IPO5: variants seen among roughly 807,000 people sequenced by gnomAD.
IPO5 encodes importin-5.
A neutral mutation model predicts 143.3 loss-of-function variants in IPO5; 18 were observed. The observed-to-expected ratio is 0.13, with a 90% confidence interval of 0.09 to 0.19. IPO5 has a LOEUF of 0.19. Among genes scored for constraint, IPO5 ranks in the 10% least tolerant of loss-of-function variants. IPO5 has a pLI of 1.00. For synonymous variants in IPO5, 477 were observed against 465.7 expected (o/e 1.02, Z -0.31); for missense variants, 1,013 against 1,336.9 (o/e 0.76, Z 3.78).
rs772586977 is a variant in IPO5 at position 97,985,452 on chromosome 13, G to A, written c.203G>A (p.Arg68His). The A allele has an allele frequency of 5.6e-6, 9 of 1,614,092 alleles. No individual in the cohort carries two copies. The highest frequency in any genetic ancestry group is 1.1e-5 in the South Asian group (1 of 91,078). ...ARQMAAVLLR[R>H]LLSSAFDEVY... ...CAAATGGCCGCCGTTCTCCTAAGAC[G>A]TCTCTTGTCCTCTGCATTTGATGAA... Residue 68 changes from arginine to histidine, a missense_variant, in exon 6 of 29, where the codon CGT becomes CAT. By Grantham distance (29) the Arg-to-His change is conservative (BLOSUM62 0). Transcript: ENST00000651721.
intron 2 of IPO5, among the ~76,000 whole-genome samples, chr13:97,969,153 GTATATATA>G (rs1210544640): frequency 1.6e-5 from 1 of 63,464 alleles, no homozygotes; most frequent in South Asian, 7.2e-4. Flanking sequence ...TTTCTGCTAA[GTATATATA>G]TATATATATA....
At position 98,000,445 on chromosome 13, in the gene IPO5, T is replaced by G. The variant is rs1403124513; in HGVS notation, c.1002-94T>G. ...GCTTGAATTCTTTCTCAGTCTTAGT[T>G]TAATAATAATATGGTTAGAAGTATG... On this transcript the variant is annotated intron_variant, in intron 12 of 28. Coordinates refer to ENST00000651721, the MANE Select transcript of IPO5 (RefSeq NM_002271.6). 4 of 813,530 alleles carry G rather than the reference T, an allele frequency of 4.9e-6. No homozygotes were observed. The African/African-American group carries it at 6.7e-5, about 14-fold the overall frequency. The allele number at this position is 813,530 out of a possible 1,614,324, so 50.4% of individuals were successfully genotyped here. A position where few individuals can be genotyped will look rare whatever the true frequency, so the allele number is the denominator to read the frequency against.
chr13:97,959,815 C>G (rs1186620560), intron 2 of IPO5, among the ~76,000 whole-genome samples: 1 of 152,046 alleles, frequency 6.6e-6, no homozygotes, highest in African/African-American at 2.4e-5. Flanking sequence ...TCTTTTTTCA[C>G]CTATAACTGT....
At chr13:97,976,345 C>T (rs1209173068) in intron 3 of IPO5, 1 of 152,074 alleles carries the variant, frequency 6.6e-6, no homozygotes. Context: ...AAGCCGCCAG[C>T]CTACCCAACC....
At chr13:97,996,862 G>A (rs1299183978) in intron 11 of IPO5, among the ~76,000 whole-genome samples, 1 of 152,142 alleles carries the variant, frequency 6.6e-6, no homozygotes, top group African/African-American at 2.4e-5. Context: ...AAAGTGCTGG[G>A]ATTACAGGCA....
intron 6 of IPO5, among the ~76,000 whole-genome samples, chr13:97,986,362 T>C (rs181734880): frequency 6.8e-6 from 1 of 147,890 alleles, no homozygotes; most frequent in Non-Finnish European, 1.5e-5. Flanking sequence ...ATATATATAT[T>C]TTTTTTTTTT....
At chr13:97,975,955 G>A (rs1807214842) in intron 3 of IPO5, 2 of 985,814 alleles carry the variant, frequency 2.0e-6, no homozygotes, top group Non-Finnish European at 2.4e-6. Flanking sequence ...ACAGCCCTGG[G>A]GGAGGTCGGA....
chr13:97,980,843 A>AAG lies in IPO5; in HGVS notation c.91-1659_91-1658dup, dbSNP rs1440820980. ...CTCTATCTCAAAAAAAAAAAAAAAAAAGTTTTTGCAAAAACTTGATTTAGA... is the reference window on the plus strand; with the variant it reads ...CTCTATCTCAAAAAAAAAAAAAAAAAAGAGTTTTTGCAAAAACTTGATTTAGA... On this transcript the variant is annotated intron_variant, in intron 4 of 28. Transcript: ENST00000651721. Among the ~76,000 whole-genome samples the AAG allele has an allele frequency of 3.3e-5, 5 of 151,850 alleles. No individual in the cohort carries two copies. In the South Asian group the frequency reaches 1.0e-3, roughly 32 times the overall value.
rs550521676 is a variant in IPO5 at position 97,980,293 on chromosome 13, C to T, written c.91-2210C>T. Among the ~76,000 whole-genome samples, 4 of 152,202 alleles carry T rather than the reference C, an allele frequency of 2.6e-5. No individual in the cohort carries two copies. The South Asian group carries it at 6.2e-4, about 24-fold the overall frequency. On this transcript the variant is annotated intron_variant, in intron 4 of 28. Coordinates refer to ENST00000651721, the MANE Select transcript of IPO5 (RefSeq NM_002271.6). ...TGATGTAATACTATATTTGGATTAC[C>T]ACAGTGGAACATATCACATGGAGAG... is the stretch of plus-strand genomic sequence containing the variant.
chr13:97,974,309 CTTTTT>C (rs200747505), intron 3 of IPO5, among the ~76,000 whole-genome samples: 1 of 139,086 alleles, frequency 7.2e-6, no homozygotes, highest in Non-Finnish European at 1.6e-5. Context: ...GTCTGAAATT[CTTTTT>C]TTTTTTTTTT....
intron 24 of IPO5, among the ~76,000 whole-genome samples, 181 bp downstream of exon 24, chr13:98,015,962 T>A (rs945459396): frequency 6.6e-6 from 1 of 152,236 alleles, no homozygotes; most frequent in African/African-American, 2.4e-5. Flanking sequence ...AACTGATATG[T>A]CTTTCGGTGC....
rs1341251100 is a variant in IPO5 at position 97,982,500 on chromosome 13, C to T, written c.91-3C>T. The T allele has an allele frequency of 1.9e-6, 3 of 1,595,790 alleles. No individual in the cohort carries two copies. The highest frequency in any genetic ancestry group is 1.4e-5 in the African/African-American group (1 of 73,770). On this transcript the variant is annotated splice_region_variant and splice_polypyrimidine_tract_variant and intron_variant, in intron 4 of 28. Transcript: ENST00000651721. ...TCCTAACCATTTTTTTTTTTCCATG[C>T]AGGAAACCTATGAGAATATCCCAGG...
At chr13:97,973,344 T>C (rs927241610) in intron 3 of IPO5, among the ~76,000 whole-genome samples, 2 of 152,136 alleles carry the variant, frequency 1.3e-5, no homozygotes, top group East Asian at 3.9e-4. Context: ...ACCCAGCCCC[T>C]GAGTTATTTT....
rs182994654 is a variant in IPO5 at position 97,982,483 on chromosome 13, A to AT, written c.91-9dup. 18,568 of 1,176,594 alleles carry AT rather than the reference A, an allele frequency of 0.016. 20 individuals carry two copies. Among genetic ancestry groups the AT allele is most frequent in the African/African-American group, 0.026 (1,681 of 63,824 alleles). 72.9% of individuals were successfully genotyped at this position (1,176,594 alleles called of 1,614,324 possible). ...AGTTTCCTAACATTCTTTCCTAACC[A>AT]TTTTTTTTTTTCCATGCAGGAAACC... On this transcript the variant is annotated intron_variant, in intron 4 of 28. Transcript: ENST00000651721.
chr13:98,010,264 C>T, intron 20 of IPO5, 40 bp downstream of exon 20: 1 of 1,577,306 alleles, frequency 6.3e-7, no homozygotes, highest in South Asian at 1.1e-5. Context: ...TATTTTACAT[C>T]TTATATACAT....
In IPO5 at chr13:98,021,881, TA is replaced by T; in HGVS notation, c.*60del. On this transcript the variant is annotated 3_prime_UTR_variant, in exon 29 of 29. Coordinates refer to ENST00000651721, the MANE Select transcript of IPO5 (RefSeq NM_002271.6). The stretch of plus-strand genomic sequence containing the variant: ...CCAAATAAACGCTTACCCTTTCCTT[TA>T]GGTTTCTTTGTTTTGTTTTTGAGCA... 8.2e-7 allele frequency: 1 copy of T among 1,215,040 alleles called. No homozygotes were observed. Among genetic ancestry groups the T allele is most frequent in the Non-Finnish European group, 1.2e-6 (1 of 837,778 alleles). 75.3% of individuals were successfully genotyped at this position (1,215,040 alleles called of 1,614,324 possible). A position where few individuals can be genotyped will look rare whatever the true frequency, so the allele number is the denominator to read the frequency against.
chr13:97,982,281 A>G, intron 4 of IPO5: 1 of 466,514 alleles, frequency 2.1e-6, no homozygotes. Context: ...CACATTAGAA[A>G]CATTTGTTTA....
intron 25 of IPO5, among the ~76,000 whole-genome samples, chr13:98,017,492 G>A (rs1018496201): frequency 1.1e-4 from 16 of 152,072 alleles, no homozygotes; most frequent in African/African-American, 3.6e-4. Flanking sequence ...TAGAGATGGG[G>A]TTTCACCATG....
chr13:98,014,954 C>T (rs1364846534), intron 22 of IPO5, among the ~76,000 whole-genome samples: 1 of 151,896 alleles, frequency 6.6e-6, no homozygotes, highest in African/African-American at 2.4e-5. Context: ...TCCTCAAGCA[C>T]TGCCTTCCTC....
Sources: allele counts gnomAD v4.1 joint callset (sites outside exome capture counted in the v4.1 genomes callset), GRCh38; gene constraint gnomAD v4.1.1; transcripts MANE v1.5; gene names NCBI Gene and HGNC (gene_info 2026-07-23, HGNC 2026-07-21).